The following EFCAB6 variants were observed in gnomAD, a reference collection of about 807,000 sequenced individuals.
The protein encoded by EFCAB6 is EF-hand calcium-binding domain-containing protein 6.
Under a neutral mutation model 169.8 loss-of-function variants are expected in EFCAB6, and 156 were observed. That is an observed-to-expected ratio of 0.92 (90% confidence interval 0.81 to 1.05). The LOEUF is 1.05. Among genes scored for constraint, EFCAB6 ranks in the 50% least tolerant of loss-of-function variants. The probability of loss-of-function intolerance (pLI) is 0.00; values close to 1 mark genes in which losing one functional copy is unlikely to be tolerated. For missense variants in EFCAB6, 1,800 were observed against 1,829.1 expected (o/e 0.98, Z 0.29); for synonymous variants, 698 against 676.4 (o/e 1.03, Z -0.50).
chr22:43,701,237 AC>A (rs1451274718), intron 10 of EFCAB6, among the ~76,000 whole-genome samples: 1 of 152,170 alleles, frequency 6.6e-6, no homozygotes, highest in East Asian at 1.9e-4. Context: ...AACCCCCAGT[AC>A]CACTCACTGC....
In EFCAB6 at chr22:43,580,601, C is replaced by G. The variant is rs573441286; in HGVS notation, c.3091G>C (p.Glu1031Gln). 1.2e-6 allele frequency: 2 copies of G among 1,614,126 alleles called. No homozygotes were observed. The highest frequency in any genetic ancestry group is 4.5e-5 in the East Asian group (2 of 44,874). The change falls in exon 25 of 32, where the codon GAG (glutamate) becomes CAG (glutamine). Residue 1031 changes from glutamate (E) to glutamine (Q), a missense_variant. Glu to Gln is a conservative substitution (Grantham distance 29, BLOSUM62 2). Coordinates refer to ENST00000262726, the MANE Select transcript of EFCAB6 (RefSeq NM_022785.4). ...TGAGCTCCTGTTGACTTGCTGTTCT[C>G]CACTGCTCTCAGGAAGTCGAGGTAA... ...INYLDFLRAV[E>Q]NSKSTGAQPK...
intron 20 of EFCAB6, among the ~76,000 whole-genome samples, chr22:43,617,408 A>T (rs2053767044): frequency 6.6e-6 from 1 of 152,212 alleles, no homozygotes; most frequent in African/African-American, 2.4e-5. Flanking sequence ...CTAAACACAT[A>T]TCCAAACAGC....
At chr22:43,671,181 T>C (rs2057476039) in intron 15 of EFCAB6, among the ~76,000 whole-genome samples, 2 of 152,118 alleles carry the variant, frequency 1.3e-5, no homozygotes. Flanking sequence ...GTTTGTTTGG[T>C]TGGATGGCTT....
intron 31 of EFCAB6, 98 bp from the exon 32 acceptor site, chr22:43,529,073 C>T (rs796483927): frequency 4.5e-6 from 6 of 1,337,132 alleles, no homozygotes; most frequent in Middle Eastern, 2.7e-4. Context: ...TCCACCTGAT[C>T]CCCAACCCCA....
chr22:43,541,287 AATCCTC>A (rs1216596012), intron 27 of EFCAB6, among the ~76,000 whole-genome samples: 71 of 152,344 alleles, frequency 4.7e-4, no homozygotes, highest in African/African-American at 1.7e-3. Flanking sequence ...GCTTGATTTG[AATCCTC>A]AGAAGAAGCA....
chr22:43,550,714 T>C lies in EFCAB6; in HGVS notation c.3648+4155A>G, dbSNP rs2048332039. Among the ~76,000 whole-genome samples the C allele has an allele frequency of 2.0e-5, 3 of 152,062 alleles. No homozygotes were observed. The South Asian group carries it at 6.2e-4, about 32-fold the overall frequency. On this transcript the variant is annotated intron_variant, in intron 27 of 31. Transcript: ENST00000262726. ...AGTTCAGAAACATTTAGCAGTTCCT[T>C]TCCCTAATACATCTGCATATTAAAA...
At chr22:43,726,397 A>G (rs989461284) in intron 8 of EFCAB6, among the ~76,000 whole-genome samples, 3 of 152,124 alleles carry the variant, frequency 2.0e-5, no homozygotes, top group African/African-American at 7.2e-5. Flanking sequence ...CTCCCAGCAG[A>G]TAACATTTAA....
chr22:43,805,195 AAC>A (rs1481851842), intron 2 of EFCAB6, among the ~76,000 whole-genome samples: 1 of 152,240 alleles, frequency 6.6e-6, no homozygotes, highest in Non-Finnish European at 1.5e-5. Context: ...AAAACTATAA[AAC>A]ACCAATGAAA....
intron 30 of EFCAB6, among the ~76,000 whole-genome samples, chr22:43,534,260 C>A (rs186839684): frequency 5.3e-5 from 8 of 152,244 alleles, no homozygotes; most frequent in Non-Finnish European, 1.2e-4. Context: ...TTTGGCAGTT[C>A]CCACTTCACT....
At chr22:43,601,665 G>T (rs2052531443) in intron 22 of EFCAB6, among the ~76,000 whole-genome samples, 1 of 152,218 alleles carries the variant, frequency 6.6e-6, no homozygotes, top group Admixed American at 6.5e-5. Flanking sequence ...GAACAATAAA[G>T]AAAATGTTCT....
In EFCAB6 at chr22:43,555,021, T is replaced by C. The variant is rs776110383; in HGVS notation, c.3496A>G (p.Ile1166Val). Reference protein sequence around the residue: ...TSPKATADRDILARLHKAVTS... With the variant: ...TSPKATADRDVLARLHKAVTS... ...ACTGCTTTGTGGAGGCGAGCCAGGA[T>C]GTCTCTGTCGGCTGTGGCCTTGGGA... The change falls in exon 27 of 32, where the codon ATC becomes GTC. Residue 1166 changes from isoleucine to valine, a missense_variant. By Grantham distance (29) the Ile-to-Val change is conservative. Transcript: ENST00000262726. 1 of 1,614,240 alleles carries C rather than the reference T, an allele frequency of 6.2e-7. No homozygotes were observed. The highest frequency in any genetic ancestry group is 8.5e-7 in the Non-Finnish European group (1 of 1,180,034).
chr22:43,763,511 C>G (rs538831522), intron 5 of EFCAB6, among the ~76,000 whole-genome samples: 2 of 152,254 alleles, frequency 1.3e-5, no homozygotes, highest in African/African-American at 4.8e-5. Flanking sequence ...TCTCCCCCTC[C>G]CCACGACACA....
chr22:43,576,375 C>G lies in EFCAB6; in HGVS notation c.3342G>C (p.Leu1114Phe), dbSNP rs200824109. The stretch of plus-strand genomic sequence containing the variant: ...GGGTTAGATGAATTCTTAGTTTCCT[C>G]AAAAAATAATGATACTGATTGTCCG... ...KLTDNQYHYFLRKLRIHLTPY... is the reference protein window; with the variant it reads ...KLTDNQYHYFFRKLRIHLTPY... The change falls in exon 26 of 32, where the codon TTG (leucine) becomes TTC (phenylalanine). Residue 1114 changes from leucine (L) to phenylalanine (F), a missense_variant. By Grantham distance (22) the Leu-to-Phe change is conservative. Coordinates refer to ENST00000262726, the MANE Select transcript of EFCAB6 (RefSeq NM_022785.4). The G allele has an allele frequency of 6.2e-7, 1 of 1,600,372 alleles. No individual in the cohort carries two copies. The highest frequency in any genetic ancestry group is 1.3e-5 in the African/African-American group (1 of 74,100).
intron 29 of EFCAB6, chr22:43,535,200 G>A (rs1324259849): frequency 1.3e-5 from 3 of 236,006 alleles, no homozygotes; most frequent in Non-Finnish European, 2.4e-5. Flanking sequence ...GGCAGAGTCA[G>A]GTGTGTGAGG....
intron 27 of EFCAB6, among the ~76,000 whole-genome samples, chr22:43,550,631 C>T (rs1236184370): frequency 1.3e-5 from 2 of 149,708 alleles, no homozygotes; most frequent in African/African-American, 2.5e-5. Flanking sequence ...GAGTTTGCAC[C>T]ACTGCACTCC....
rs374322856 is a variant in EFCAB6, at chr22:43,618,558, CA to C, written c.2466-2637del. On this transcript the variant is annotated intron_variant, in intron 20 of 31. Coordinates refer to ENST00000262726, the MANE Select transcript of EFCAB6 (RefSeq NM_022785.4). ...GGAGAAATCAAAATTCGAAGAATGA[CA>C]AAGTTATGAGTTTCATGGGGCTTTC... 6.6e-5 allele frequency among the ~76,000 whole-genome samples: 10 copies of C among 152,246 alleles called. No individual in the cohort carries two copies. In the South Asian group the frequency reaches 2.1e-3, roughly 32 times the overall value.
At chr22:43,645,401 C>G (rs2056092371) in intron 17 of EFCAB6, among the ~76,000 whole-genome samples, 1 of 152,212 alleles carries the variant, frequency 6.6e-6, no homozygotes, top group South Asian at 2.1e-4. Flanking sequence ...GATTTGTGCA[C>G]ATGTGAGAGG....
chr22:43,667,230 C>T lies in EFCAB6; in HGVS notation c.1857G>A (p.Met619Ile), dbSNP rs760528909. Residue 619 changes from methionine to isoleucine, a missense_variant, in exon 17 of 32, where the codon ATG (methionine) becomes ATA (isoleucine). Coordinates refer to ENST00000262726, the MANE Select transcript of EFCAB6 (RefSeq NM_022785.4). ...TEDKTTLTKKMTTEEVIEKFK... is the reference protein window; with the variant it reads ...TEDKTTLTKKITTEEVIEKFK... ...ATTTTTCAATCACTTCTTCTGTGGT[C>T]ATCTTCTTGGTCAGGGTGGTTTTAT... The T allele has an allele frequency of 6.2e-7, 1 of 1,614,106 alleles. No homozygotes were observed. Among genetic ancestry groups the T allele is most frequent in the Non-Finnish European group, 8.5e-7 (1 of 1,179,974 alleles).
chr22:43,681,004 A>G (rs1228434777), intron 12 of EFCAB6, among the ~76,000 whole-genome samples: 2 of 152,206 alleles, frequency 1.3e-5, no homozygotes, highest in Non-Finnish European at 2.9e-5. Context: ...AGTGTTGACT[A>G]GAAGCAGTGA....
Sources: allele counts gnomAD v4.1 joint callset (sites outside exome capture counted in the v4.1 genomes callset), GRCh38; gene constraint gnomAD v4.1.1; transcripts MANE v1.5; gene names NCBI Gene and HGNC (gene_info 2026-07-23, HGNC 2026-07-21).